Variants in GALNTL6 observed in about 807,000 individuals in gnomAD.
The protein encoded by GALNTL6 is polypeptide N-acetylgalactosaminyltransferase-like 6.
In GALNTL6, 46 loss-of-function variants were observed where a neutral mutation model predicts 73.7. The ratio of observed to expected loss-of-function variants is 0.62; its 90% CI spans 0.49 to 0.80. GALNTL6 has a LOEUF of 0.80. Ranked by LOEUF, GALNTL6 falls within the 30% of genes least tolerant of loss-of-function variation. The pLI, the probability that GALNTL6 is intolerant of heterozygous loss-of-function variation, is 0.00. For synonymous variants in GALNTL6, 259 were observed against 263.7 expected (o/e 0.98, Z 0.17); for missense variants, 604 against 755.0 (o/e 0.80, Z 2.34).
At chr4:172,826,489 A>T (rs1206021970) in intron 7 of GALNTL6, among the ~76,000 whole-genome samples, 1 of 152,252 alleles carries the variant, frequency 6.6e-6, no homozygotes, top group African/African-American at 2.4e-5. Flanking sequence ...CCCTAAGGAT[A>T]TAAATTCCAA....
intron 2 of GALNTL6, among the ~76,000 whole-genome samples, chr4:172,154,930 T>C (rs1734209997): frequency 1.3e-5 from 2 of 152,148 alleles, no homozygotes; most frequent in South Asian, 2.1e-4. Flanking sequence ...CTAACACCCA[T>C]GGTGATGATA....
At chr4:172,563,085 T>C (rs149738438) in intron 5 of GALNTL6, among the ~76,000 whole-genome samples, 40 of 152,340 alleles carry the variant, frequency 2.6e-4, no homozygotes, top group African/African-American at 9.4e-4. Context: ...CTGAATTAGG[T>C]TGCTCAAGTG....
intron 2 of GALNTL6, among the ~76,000 whole-genome samples, chr4:172,166,167 T>C (rs1229493634): frequency 6.6e-6 from 1 of 152,156 alleles, no homozygotes. Context: ...AAATTATATA[T>C]GACATTTTTG....
At chr4:171,983,488 A>AT (rs917754269) in intron 2 of GALNTL6, among the ~76,000 whole-genome samples, 2 of 150,702 alleles carry the variant, frequency 1.3e-5, no homozygotes, top group Non-Finnish European at 3.0e-5. Flanking sequence ...TTATTTATTT[A>AT]TTTATTTATT....
chr4:172,740,337 A>T (rs1400983130), intron 5 of GALNTL6, among the ~76,000 whole-genome samples: 1 of 152,172 alleles, frequency 6.6e-6, no homozygotes, highest in Non-Finnish European at 1.5e-5. Context: ...GCCTAAGAGG[A>T]TGCTGGAAAT....
intron 10 of GALNTL6, among the ~76,000 whole-genome samples, chr4:172,967,640 G>A (rs182089665): frequency 2.1e-5 from 3 of 144,222 alleles, no homozygotes; most frequent in Non-Finnish European, 3.0e-5. Flanking sequence ...TATTATTTTG[G>A]AACAGAGAGA....
Position 172,021,949 on chromosome 4 carries a change from A to G in GALNTL6, c.138+207231A>G, listed in dbSNP as rs1006273082. Among the ~76,000 whole-genome samples, 17 of 152,062 alleles carry G rather than the reference A, an allele frequency of 1.1e-4. 1 individual carries two copies. Among genetic ancestry groups the G allele is most frequent in the Non-Finnish European group, 2.4e-4 (16 of 67,964 alleles). On this transcript the variant is annotated intron_variant, in intron 2 of 12. Transcript: ENST00000506823. ...CAAAACTCAAATCCAAATGAATTAA[A>G]TATTTAAATCTAAGACCTCAAAGTA...
chr4:172,368,738 C>A (rs189237041), intron 5 of GALNTL6, among the ~76,000 whole-genome samples: 1 of 148,850 alleles, frequency 6.7e-6, no homozygotes, highest in East Asian at 2.0e-4. Context: ...GGAGTTTCTT[C>A]CCTCTGGTGG....
At chr4:172,502,325 C>T (rs151223489) in intron 5 of GALNTL6, among the ~76,000 whole-genome samples, 1 of 152,174 alleles carries the variant, frequency 6.6e-6, no homozygotes, top group Non-Finnish European at 1.5e-5. Flanking sequence ...TCAGGAGCTA[C>T]AGGTCATTTA....
chr4:172,526,333 G>A (rs1433806823), intron 5 of GALNTL6, among the ~76,000 whole-genome samples: 3 of 152,008 alleles, frequency 2.0e-5, no homozygotes, highest in African/African-American at 4.8e-5. Context: ...CTATCCTCAC[G>A]GCTTACAGAC....
intron 5 of GALNTL6, among the ~76,000 whole-genome samples, chr4:172,653,275 A>G (rs1369948644): frequency 2.0e-5 from 3 of 150,234 alleles, no homozygotes; most frequent in Non-Finnish European, 4.4e-5. Context: ...CTGGAGTGCA[A>G]TGGCATTGAT....
At chr4:172,910,926 G>A (rs1747164338) in intron 8 of GALNTL6, among the ~76,000 whole-genome samples, 1 of 152,154 alleles carries the variant, frequency 6.6e-6, no homozygotes, top group Non-Finnish European at 1.5e-5. Flanking sequence ...AGATTTGTAG[G>A]AGAAACTACA....
intron 2 of GALNTL6, among the ~76,000 whole-genome samples, chr4:172,003,754 G>C (rs1017371636): frequency 3.3e-5 from 5 of 152,038 alleles, no homozygotes; most frequent in Admixed American, 2.0e-4. Context: ...GCCTTCAGCT[G>C]TCTTTTCATT....
At chr4:172,907,295 G>A (rs1191039664) in intron 8 of GALNTL6, among the ~76,000 whole-genome samples, 1 of 151,828 alleles carries the variant, frequency 6.6e-6, no homozygotes, top group East Asian at 1.9e-4. Flanking sequence ...AGCTTCACCA[G>A]GGTAGCACAA....
intron 7 of GALNTL6, among the ~76,000 whole-genome samples, chr4:172,860,052 C>T (rs1744319668): frequency 6.6e-6 from 1 of 152,186 alleles, no homozygotes; most frequent in African/African-American, 2.4e-5. Flanking sequence ...AAATCATCCC[C>T]ATACCCCCTT....
intron 2 of GALNTL6, among the ~76,000 whole-genome samples, chr4:171,906,706 G>C (rs1325669499): frequency 6.6e-6 from 1 of 152,152 alleles, no homozygotes; most frequent in Non-Finnish European, 1.5e-5. Context: ...GAGAATTTTA[G>C]ACCAATATCC....
At chr4:173,008,424 G>A (rs1752391530) in intron 10 of GALNTL6, among the ~76,000 whole-genome samples, 1 of 152,202 alleles carries the variant, frequency 6.6e-6, no homozygotes, top group African/African-American at 2.4e-5. Flanking sequence ...CTGCAGTTTG[G>A]CTGTTTAACC....
chr4:172,971,487 A>G (rs1339918793), intron 10 of GALNTL6, among the ~76,000 whole-genome samples: 1 of 152,240 alleles, frequency 6.6e-6, no homozygotes, highest in Non-Finnish European at 1.5e-5. Flanking sequence ...CAAATTATAT[A>G]TAATCTGACA....
chr4:172,535,927 C>A (rs1735331140), intron 5 of GALNTL6, among the ~76,000 whole-genome samples: 1 of 152,164 alleles, frequency 6.6e-6, no homozygotes, highest in South Asian at 2.1e-4. Flanking sequence ...ACCCAAATTT[C>A]ATCTTGAACT....
Sources: allele counts gnomAD v4.1 joint callset (sites outside exome capture counted in the v4.1 genomes callset), GRCh38; gene constraint gnomAD v4.1.1; transcripts MANE v1.5; gene names NCBI Gene and HGNC (gene_info 2026-07-23, HGNC 2026-07-21).